Variants in KIFC1 observed in about 807,000 individuals in gnomAD.
KIFC1 encodes kinesin family member C1.
In KIFC1, 37 loss-of-function variants were observed where a neutral mutation model predicts 66.6. The observed-to-expected ratio is 0.56, with a 90% confidence interval of 0.43 to 0.73. The LOEUF (loss-of-function observed/expected upper bound fraction) is 0.73. KIFC1 is among the 30% of genes least tolerant of loss of function. KIFC1 has a pLI of 0.00. For missense variants in KIFC1, 721 were observed against 859.8 expected (o/e 0.84, Z 2.02); for synonymous variants, 325 against 343.5 (o/e 0.95, Z 0.60).
At chr6:33,393,947 C>T (rs169817) in intron 1 of KIFC1, among the ~76,000 whole-genome samples, 62,406 of 151,612 alleles carry the variant, frequency 0.41, 13,267 homozygotes, top group East Asian at 0.61. Context: ...AGGGTTTCAC[C>T]GCGTTAGCCC....
rs1286198975 is a variant in KIFC1, at chr6:33,403,229, A to G, written c.251-85A>G. On this transcript the variant is annotated intron_variant, in intron 3 of 10. Transcript: ENST00000428849. This position sits in a 1 kb window ranked among gnomAD's most constrained non-coding sequence, Gnocchi z 4.6. ...TCCTATTTCTAATTCTGAGAAAAGC[A>G]CTTCTTCTGCCCCTGTCCTAGCAAG... 8.1e-7 allele frequency: 1 copy of G among 1,241,230 alleles called. No individual in the cohort carries two copies. Among genetic ancestry groups the G allele is most frequent in the Non-Finnish European group, 1.2e-6 (1 of 845,608 alleles). 76.9% of individuals were successfully genotyped at this position (1,241,230 alleles called of 1,614,324 possible).
rs766824086 is a variant in KIFC1, at chr6:33,403,377, C to A, written c.304+10C>A. On this transcript the variant is annotated intron_variant, in intron 4 of 10. Transcript: ENST00000428849. This position sits in a 1 kb window ranked among gnomAD's most constrained non-coding sequence, Gnocchi z 4.6. ...ACAGCTATTGCCACAGGTAACTGTG[C>A]TCAAGAGCTGGGTCTGAGAAGGGAT... 17 of 1,613,746 alleles carry A rather than the reference C, an allele frequency of 1.1e-5. No homozygotes were observed. Among genetic ancestry groups the A allele is most frequent in the Non-Finnish European group, 1.4e-5 (17 of 1,179,774 alleles).
Position 33,405,435 on chromosome 6 carries a change from A to G in KIFC1, c.1340A>G (p.Glu447Gly), listed in dbSNP as rs749306942. The G allele has an allele frequency of 2.5e-6, 4 of 1,604,580 alleles. No homozygotes were observed. The Admixed American group carries it at 5.1e-5, about 20-fold the overall frequency. Reference sequence around the variant, plus strand: ...CGGCACCTCTTCTCTGTGGCTCAGGAGCTGAGTGGTCAGGGCTGGACCTAC... The same window carrying G: ...CGGCACCTCTTCTCTGTGGCTCAGGGGCTGAGTGGTCAGGGCTGGACCTAC... ...ALRHLFSVAQ[E>G]LSGQGWTYSF... Residue 447 changes from glutamate to glycine, a missense_variant, in exon 7 of 11, where the codon GAG (glutamate) becomes GGG (glycine). By Grantham distance (98) the Glu-to-Gly change is moderately conservative. Transcript: ENST00000428849. This position sits in a 1 kb window ranked among gnomAD's most constrained non-coding sequence, Gnocchi z 5.4.
Position 33,398,068 on chromosome 6 carries a change from A to C in KIFC1, c.52A>C (p.Lys18Gln). The C allele has an allele frequency of 6.2e-7, 1 of 1,614,026 alleles. No individual in the cohort carries two copies. The highest frequency in any genetic ancestry group is 8.5e-7 in the Non-Finnish European group (1 of 1,179,966). Residue 18 changes from lysine (K) to glutamine (Q), a missense_variant, in exon 2 of 11, where the codon AAG becomes CAG. Lys to Gln is a moderately conservative substitution (Grantham distance 53, BLOSUM62 1). Coordinates refer to ENST00000428849, the MANE Select transcript of KIFC1 (RefSeq NM_002263.4). ...GGAAGTAAAGGGGAACATAGAACTGAAGAGACCTCTGATTAAGGCCCCTTC... is the reference window on the plus strand; with the variant it reads ...GGAAGTAAAGGGGAACATAGAACTGCAGAGACCTCTGATTAAGGCCCCTTC... ...LLEVKGNIEL[K>Q]RPLIKAPSQL...
In KIFC1 at chr6:33,398,307, G is replaced by T; in HGVS notation, c.170G>T (p.Gly57Val). The T allele has an allele frequency of 6.2e-7, 1 of 1,614,024 alleles. No homozygotes were observed. Among genetic ancestry groups the T allele is most frequent in the Non-Finnish European group, 8.5e-7 (1 of 1,180,006 alleles). Residue 57 changes from glycine to valine, a missense_variant, in exon 3 of 11, where the codon GGT (glycine) becomes GTT (valine). Coordinates refer to ENST00000428849, the MANE Select transcript of KIFC1 (RefSeq NM_002263.4). ...EPEKKRTRGL[G>V]ATTKITTSHP... ...CCCCAGAAACGGACAAGAGGCCTGGGTGCAACGACCAAAATTACCACATCC... is the reference window on the plus strand; with the variant it reads ...CCCCAGAAACGGACAAGAGGCCTGGTTGCAACGACCAAAATTACCACATCC...
Position 33,400,639 on chromosome 6 carries a change from C to T in KIFC1, c.250+2252C>T, listed in dbSNP as rs1775325195. On this transcript the variant is annotated intron_variant, in intron 3 of 10. Coordinates refer to ENST00000428849, the MANE Select transcript of KIFC1 (RefSeq NM_002263.4). The surrounding 1 kb of genome is among the most constrained non-coding windows in gnomAD (Gnocchi z 4.3). ...CCTTGGCCTCCTCCGAGCCGAAAGC[C>T]GAGAGCTTCTCTCTCTTTTTTTTTT... 5 of 705,032 alleles carry T rather than the reference C, an allele frequency of 7.1e-6. No individual in the cohort carries two copies. Among genetic ancestry groups the T allele is most frequent in the East Asian group, 2.7e-5 (1 of 36,808 alleles). The allele number at this position is 705,032 out of a possible 1,614,324, so 43.7% of individuals were successfully genotyped here. A position where few individuals can be genotyped will look rare whatever the true frequency, so the allele number is the denominator to read the frequency against.
At chr6:33,397,925 G>C in intron 1 of KIFC1, 104 bp from the exon 2 acceptor site, 1 of 1,237,456 alleles carries the variant, frequency 8.1e-7, no homozygotes, top group Non-Finnish European at 1.2e-6. Flanking sequence ...GTGGTGCTCA[G>C]TGCTTGGTGG....
In KIFC1 at chr6:33,406,797, T is replaced by C. The variant is rs368836565; in HGVS notation, c.1902-3T>C. Reference sequence around the variant, plus strand: ...TGGGGTTGGGCACATTGTCTTTTCATAGGCTCATGTTTGTGAACATTTCTC... The same window carrying C: ...TGGGGTTGGGCACATTGTCTTTTCACAGGCTCATGTTTGTGAACATTTCTC... On this transcript the variant is annotated splice_polypyrimidine_tract_variant and splice_region_variant and intron_variant, in intron 9 of 10. Transcript: ENST00000428849. This position sits in a 1 kb window ranked among gnomAD's most constrained non-coding sequence, Gnocchi z 4.5. 2.2e-4 allele frequency: 351 copies of C among 1,614,132 alleles called. 2 individuals are homozygous for C. Among genetic ancestry groups the C allele is most frequent in the Non-Finnish European group, 1.7e-4 (205 of 1,180,002 alleles).
chr6:33,394,116 G>C (rs780013982), intron 1 of KIFC1, among the ~76,000 whole-genome samples: 1 of 152,128 alleles, frequency 6.6e-6, no homozygotes, highest in Non-Finnish European at 1.5e-5. Context: ...CAGGGATGCT[G>C]CTAGGCATCT....
In KIFC1 at chr6:33,398,126, G is replaced by C. The variant is rs1775181460; in HGVS notation, c.110G>C (p.Arg37Thr). The part of the protein sequence containing the change: ...QLPLSGSRLK[R>T]RPDQMEDGLE... The stretch of plus-strand genomic sequence containing the variant: ...CCTCTCTCAGGAAGCAGACTCAAGA[G>C]GAGGCCTGACCAGATGGAAGATGGC... Residue 37 changes from arginine to threonine, a missense_variant, in exon 2 of 11, where the codon AGG becomes ACG. Physicochemically the swap from Arg to Thr is moderately conservative, Grantham distance 71. Transcript: ENST00000428849. 1 of 1,614,070 alleles carries C rather than the reference G, an allele frequency of 6.2e-7. No individual in the cohort carries two copies. Among genetic ancestry groups the C allele is most frequent in the Admixed American group, 1.7e-5 (1 of 60,002 alleles).
In KIFC1 at chr6:33,405,229, C is replaced by T; in HGVS notation, c.1134C>T (p.Phe378=). Residue 378 remains phenylalanine (F), a synonymous_variant, in exon 7 of 11, where the codon TTC becomes TTT. Coordinates refer to ENST00000428849, the MANE Select transcript of KIFC1 (RefSeq NM_002263.4). This position sits in a 1 kb window ranked among gnomAD's most constrained non-coding sequence, Gnocchi z 5.4. ...TRHDFSFDRV[F]PPGSGQDEVF... is the part of the protein sequence containing the mutation. ...ATGATTTTTCCTTTGACCGGGTATTCCCACCAGGAAGTGGACAGGATGAAG... is the reference window on the plus strand; with the variant it reads ...ATGATTTTTCCTTTGACCGGGTATTTCCACCAGGAAGTGGACAGGATGAAG... 1 of 1,614,194 alleles carries T rather than the reference C, an allele frequency of 6.2e-7. No homozygotes were observed. The highest frequency in any genetic ancestry group is 8.5e-7 in the Non-Finnish European group (1 of 1,180,040).
intron 1 of KIFC1, among the ~76,000 whole-genome samples, chr6:33,396,593 T>C (rs569135562): frequency 5.9e-5 from 9 of 151,476 alleles, no homozygotes; most frequent in African/African-American, 1.9e-4. Context: ...CAGGCAAATG[T>C]CATCTGGTTC....
chr6:33,391,854 C>G lies in KIFC1; in HGVS notation c.-132C>G. The G allele has an allele frequency of 9.4e-7, 1 of 1,062,998 alleles. No homozygotes were observed. Among genetic ancestry groups the G allele is most frequent in the Admixed American group, 2.0e-5 (1 of 49,522 alleles). 65.8% of individuals were successfully genotyped at this position (1,062,998 alleles called of 1,614,324 possible). A position where few individuals can be genotyped will look rare whatever the true frequency, so the allele number is the denominator to read the frequency against. ...CAAAAGTGGCGGGTGTGGCGCGGGG[C>G]TGGTAGCGGCCGGAGCCGTGCGAGT... On this transcript the variant is annotated 5_prime_UTR_variant, in exon 1 of 11. Transcript: ENST00000428849.
Position 33,409,727 on chromosome 6 carries a change from G to A in KIFC1, c.*37G>A. ...GATCTGTGTGTGTGTGTGTGTGTGT[G>A]TGTGTGTGTGTGTGTGTGTGTGTGT... is the stretch of plus-strand genomic sequence containing the variant. On this transcript the variant is annotated 3_prime_UTR_variant, in exon 11 of 11. Coordinates refer to ENST00000428849, the MANE Select transcript of KIFC1 (RefSeq NM_002263.4). 1 of 1,382,114 alleles carries A rather than the reference G, an allele frequency of 7.2e-7. No homozygotes were observed. Among genetic ancestry groups the A allele is most frequent in the Non-Finnish European group, 1.0e-6 (1 of 990,290 alleles). 85.6% of individuals were successfully genotyped at this position (1,382,114 alleles called of 1,614,324 possible). A position where few individuals can be genotyped will look rare whatever the true frequency, so the allele number is the denominator to read the frequency against.
chr6:33,397,571 C>T (rs1440925516), intron 1 of KIFC1, among the ~76,000 whole-genome samples: 1 of 152,228 alleles, frequency 6.6e-6, no homozygotes, highest in Non-Finnish European at 1.5e-5. Context: ...GCTGGGATTA[C>T]AGGCATAAGC....
chr6:33,407,226 TAGTG>T, intron 10 of KIFC1: 1 of 387,818 alleles, frequency 2.6e-6, no homozygotes, highest in Non-Finnish European at 4.3e-6. Flanking sequence ...CTGGGCAACA[TAGTG>T]AGACCCTGTC....
At chr6:33,407,053 A>T (rs2151094471) in intron 10 of KIFC1, 178 bp downstream of exon 10, 2 of 1,418,896 alleles carry the variant, frequency 1.4e-6, no homozygotes, top group African/African-American at 1.4e-5. Context: ...TAAGTTTTTT[A>T]AAAAACGGGT....
At chr6:33,408,843 T>G (rs1247879269) in intron 10 of KIFC1, among the ~76,000 whole-genome samples, 2 of 152,106 alleles carry the variant, frequency 1.3e-5, no homozygotes, top group South Asian at 2.1e-4. Flanking sequence ...CAGTCGTTCT[T>G]CTTTCTGATG....
chr6:33,407,228 G>T, intron 10 of KIFC1: 1 of 373,134 alleles, frequency 2.7e-6, no homozygotes, highest in Non-Finnish European at 4.5e-6. Flanking sequence ...GGGCAACATA[G>T]TGAGACCCTG....
Sources: gnomAD v4.1 joint callset for allele counts (sites outside exome capture counted in the v4.1 genomes callset) on GRCh38, gnomAD v4.1.1 for gene constraint, Gnocchi (gnomAD v3.1) non-coding constraint, MANE v1.5 for transcripts, NCBI Gene and HGNC (gene_info 2026-07-23, HGNC 2026-07-21) for gene names.